The following KATNB1 variants were observed in gnomAD, a reference collection of about 807,000 sequenced individuals.
KATNB1 encodes katanin p80 WD40 repeat-containing subunit B1.
KATNB1 carries 38 observed loss-of-function variants against 82.3 expected under a neutral mutation model. The observed-to-expected ratio is 0.46, with a 90% CI of 0.36 to 0.61. The LOEUF (loss-of-function observed/expected upper bound fraction) is 0.61. Ranked by LOEUF, KATNB1 falls within the 20% of genes least tolerant of loss-of-function variation. KATNB1 has a pLI of 0.00. For synonymous variants in KATNB1, 361 were observed against 368.7 expected (o/e 0.98, Z 0.24); for missense variants, 749 against 915.7 (o/e 0.82, Z 2.35).
intron 4 of KATNB1, among the ~76,000 whole-genome samples, chr16:57,746,928 C>T (rs1555581585): frequency 6.6e-6 from 1 of 152,200 alleles, no homozygotes; most frequent in African/African-American, 2.4e-5. Context: ...GTCACCCAGG[C>T]TGGAGTGCAG....
intron 1 of KATNB1, 50 bp from the exon 2 acceptor site, chr16:57,736,928 C>G: frequency 1.6e-6 from 1 of 618,820 alleles, no homozygotes; most frequent in Non-Finnish European, 3.0e-6. Flanking sequence ...GGAGCAACAG[C>G]TCTTACCAAG....
Position 57,751,886 on chromosome 16 carries a change from G to C in KATNB1, c.517-54G>C. 1 of 1,470,684 alleles carries C rather than the reference G, an allele frequency of 6.8e-7. No homozygotes were observed. Among genetic ancestry groups the C allele is most frequent in the South Asian group, 1.1e-5 (1 of 87,070 alleles). 91.1% of individuals were successfully genotyped at this position (1,470,684 alleles called of 1,614,324 possible). A position where few individuals can be genotyped will look rare whatever the true frequency, so the allele number is the denominator to read the frequency against. On this transcript the variant is annotated intron_variant, in intron 7 of 19. Transcript: ENST00000379661. This position sits in a 1 kb window ranked among gnomAD's most constrained non-coding sequence, Gnocchi z 6.3. ...AGAGCTTGGCCTGGATTAGAGGGAG[G>C]GTGGGCAGCCAAGATGCCTGGTCAC...
Position 57,751,989 on chromosome 16 carries a change from C to G in KATNB1, c.566C>G (p.Thr189Arg), listed in dbSNP as rs61729343. ...GKMMSEFPGH[T>R]GPVNVVEFHP... ...ATGATGTCTGAGTTCCCTGGTCACA[C>G]GGGGCCTGTCAACGTGGTCGAGTTT... The change falls in exon 8 of 20, where the codon ACG (threonine) becomes AGG (arginine). Residue 189 changes from threonine (T) to arginine (R), a missense_variant. Coordinates refer to ENST00000379661, the MANE Select transcript of KATNB1 (RefSeq NM_005886.3). This position sits in a 1 kb window ranked among gnomAD's most constrained non-coding sequence, Gnocchi z 6.3. 1 of 1,613,788 alleles carries G rather than the reference C, an allele frequency of 6.2e-7. No individual in the cohort carries two copies. The highest frequency in any genetic ancestry group is 8.5e-7 in the Non-Finnish European group (1 of 1,179,998).
rs782780189 is a variant in KATNB1, at chr16:57,750,868, C to T, written c.331C>T (p.Leu111=). 6.2e-7 allele frequency: 1 copy of T among 1,614,194 alleles called. No homozygotes were observed. Among genetic ancestry groups the T allele is most frequent in the Non-Finnish European group, 8.5e-7 (1 of 1,180,046 alleles). The change falls in exon 5 of 20, where the codon CTG becomes TTG. Residue 111 remains leucine, a synonymous_variant. Transcript: ENST00000379661. ...GGGACACAAAGCCAACATCTGCAGCCTGGATTTCCACCCGTACGGCGAGTT... is the reference window on the plus strand; with the variant it reads ...GGGACACAAAGCCAACATCTGCAGCTTGGATTTCCACCCGTACGGCGAGTT... ...LMGHKANICS[L]DFHPYGEFVA... is the part of the protein sequence containing the mutation.
At chr16:57,750,092 C>T (rs1159149434) in intron 4 of KATNB1, among the ~76,000 whole-genome samples, 5 of 152,226 alleles carry the variant, frequency 3.3e-5, no homozygotes, top group Non-Finnish European at 7.3e-5. Context: ...TCCTGGATTT[C>T]TCTTTCCAAC....
rs781991973 is a variant in KATNB1 at position 57,751,750 on chromosome 16, AGGGGCTG to A, written c.516+37_516+43del. On this transcript the variant is annotated intron_variant, in intron 7 of 19. Transcript: ENST00000379661. This position sits in a 1 kb window ranked among gnomAD's most constrained non-coding sequence, Gnocchi z 6.3. The stretch of plus-strand genomic sequence containing the variant: ...GTAGCTCCCGGCCTGACCTGGGCCC[AGGGGCTG>A]GGGGCTGGGGTCTGCTGATCACAGC... 4 of 1,603,644 alleles carry A rather than the reference AGGGGCTG, an allele frequency of 2.5e-6. No individual in the cohort carries two copies. The East Asian group carries it at 6.7e-5, about 27-fold the overall frequency.
chr16:57,748,352 A>G (rs1279646712), intron 4 of KATNB1, among the ~76,000 whole-genome samples: 1 of 152,066 alleles, frequency 6.6e-6, no homozygotes, highest in Non-Finnish European at 1.5e-5. Flanking sequence ...CTCTGCGGGC[A>G]TGGTGGCTCA....
Position 57,752,585 on chromosome 16 carries a change from G to T in KATNB1, c.688G>T (p.Glu230Ter). 1 of 1,568,698 alleles carries T rather than the reference G, an allele frequency of 6.4e-7. No individual in the cohort carries two copies. The highest frequency in any genetic ancestry group is 2.3e-5 in the East Asian group (1 of 43,148). ...KFQVVSCIEG[E>*]PGPVRSVLFN... ...CCAGGTGGTGAGCTGCATCGAAGGG[G>T]AGCCTGGGCCCGTCAGGTACGCAGG... The change falls in exon 9 of 20, where the codon GAG (glutamate) becomes TAG (stop). Residue 230 changes from glutamate (E) to a stop codon, truncating the protein, a stop_gained. Coordinates refer to ENST00000379661, the MANE Select transcript of KATNB1 (RefSeq NM_005886.3). LOFTEE classifies it high-confidence loss of function.
rs782309939 is a variant in KATNB1 at position 57,752,877 on chromosome 16, C to T, written c.804C>T (p.Val268=). ...AACCTGAGCGGTGCTTTGATGTGGT[C>T]CTCGTCAACTGGGGCAAGGTGGCCG... ...GWEPERCFDV[V]LVNWGKVADL... is the part of the protein sequence containing the mutation. Residue 268 remains valine, a synonymous_variant, in exon 10 of 20, where the codon GTC becomes GTT. Transcript: ENST00000379661. 1 of 1,608,104 alleles carries T rather than the reference C, an allele frequency of 6.2e-7. No homozygotes were observed. The highest frequency in any genetic ancestry group is 8.5e-7 in the Non-Finnish European group (1 of 1,179,834).
intron 4 of KATNB1, among the ~76,000 whole-genome samples, chr16:57,748,230 A>G (rs1473141263): frequency 6.6e-6 from 1 of 152,158 alleles, no homozygotes; most frequent in Admixed American, 6.5e-5. Flanking sequence ...TCAGCACAGC[A>G]GGTAGAGCTA....
At chr16:57,749,550 A>G (rs545472511) in intron 4 of KATNB1, among the ~76,000 whole-genome samples, 1 of 152,274 alleles carries the variant, frequency 6.6e-6, no homozygotes, top group South Asian at 2.1e-4. Context: ...AAGGTGACCT[A>G]TTGCACCTTG....
At chr16:57,740,962 G>T (rs1285801904) in intron 2 of KATNB1, among the ~76,000 whole-genome samples, 1 of 152,246 alleles carries the variant, frequency 6.6e-6, no homozygotes, top group Non-Finnish European at 1.5e-5. Flanking sequence ...CGCTCTGAGG[G>T]AGTCCTCAGC....
chr16:57,756,238 G>A, intron 18 of KATNB1, 118 bp from the exon 19 acceptor site: 3 of 1,103,056 alleles, frequency 2.7e-6, no homozygotes, highest in Non-Finnish European at 4.1e-6. Flanking sequence ...GCGTGTGTGG[G>A]TGTATGTGTG....
At position 57,756,971 on chromosome 16, in the gene KATNB1, G is replaced by A. The variant is rs985042415; in HGVS notation, c.*25G>A. On this transcript the variant is annotated 3_prime_UTR_variant, in exon 20 of 20. Coordinates refer to ENST00000379661, the MANE Select transcript of KATNB1 (RefSeq NM_005886.3). ...AGGAAAGCAGTGGGCAGGGGCGCTC[G>A]GCAGCCCACAGGGCCTGGCCTCAGC... 23 of 1,491,130 alleles carry A rather than the reference G, an allele frequency of 1.5e-5. No homozygotes were observed. Among genetic ancestry groups the A allele is most frequent in the Non-Finnish European group, 1.9e-5 (21 of 1,114,768 alleles). 92.4% of individuals were successfully genotyped at this position (1,491,130 alleles called of 1,614,324 possible). A position where few individuals can be genotyped will look rare whatever the true frequency, so the allele number is the denominator to read the frequency against.
intron 2 of KATNB1, among the ~76,000 whole-genome samples, chr16:57,739,783 G>A (rs1013589297): frequency 6.6e-6 from 1 of 152,086 alleles, no homozygotes; most frequent in African/African-American, 2.4e-5. Context: ...TCAGTGTCCC[G>A]CCCCCACCAC....
Position 57,755,170 on chromosome 16 carries a change from G to C in KATNB1, c.1348G>C (p.Ala450Pro), listed in dbSNP as rs782133815. The change falls in exon 15 of 20, where the codon GCT (alanine) becomes CCT (proline). Residue 450 changes from alanine (A) to proline (P), a missense_variant. Coordinates refer to ENST00000379661, the MANE Select transcript of KATNB1 (RefSeq NM_005886.3). ...GGTTGCTTCCACACCTGCACCCAAG[G>C]CTGAGCCTGCCATCATCCCTGCCAC... ...PVVASTPAPK[A>P]EPAIIPATRN... 2 of 1,612,270 alleles carry C rather than the reference G, an allele frequency of 1.2e-6. No individual in the cohort carries two copies. Among genetic ancestry groups the C allele is most frequent in the African/African-American group, 2.7e-5 (2 of 74,944 alleles).
In KATNB1 at chr16:57,741,821, A is replaced by G; in HGVS notation, c.171+4A>G. The G allele has an allele frequency of 6.2e-7, 1 of 1,612,456 alleles. No individual in the cohort carries two copies. Among genetic ancestry groups the G allele is most frequent in the Non-Finnish European group, 8.5e-7 (1 of 1,179,488 alleles). ...CAACAAGCCCAACTGCATCATGGTG[A>G]GCCCCGACAGCTGGCGGGGGGTCAG... On this transcript the variant is annotated splice_donor_region_variant and intron_variant, in intron 3 of 19. Transcript: ENST00000379661.
intron 8 of KATNB1, 131 bp downstream of exon 8, chr16:57,752,186 T>C (rs1380777743): frequency 2.1e-5 from 15 of 706,194 alleles, no homozygotes; most frequent in Non-Finnish European, 2.8e-5. Flanking sequence ...GTGGACTGAA[T>C]TGGATTTCAG....
At position 57,751,837 on chromosome 16, in the gene KATNB1, G is replaced by A. The variant is rs985155444; in HGVS notation, c.517-103G>A. The stretch of plus-strand genomic sequence containing the variant: ...GGCTCACATGTCCCAAGCCTATCCC[G>A]AGTGGAAGGTAGCTTGTGGATAAAG... On this transcript the variant is annotated intron_variant, in intron 7 of 19. Coordinates refer to ENST00000379661, the MANE Select transcript of KATNB1 (RefSeq NM_005886.3). This position sits in a 1 kb window ranked among gnomAD's most constrained non-coding sequence, Gnocchi z 6.3. The A allele has an allele frequency of 6.5e-6, 9 of 1,393,174 alleles. No homozygotes were observed. The highest frequency in any genetic ancestry group is 1.8e-4 in the Middle Eastern group (1 of 5,696). The allele number at this position is 1,393,174 out of a possible 1,614,324, so 86.3% of individuals were successfully genotyped here.
Sources: allele counts gnomAD v4.1 joint callset (sites outside exome capture counted in the v4.1 genomes callset), GRCh38; gene constraint gnomAD v4.1.1; non-coding constraint Gnocchi (gnomAD v3.1); transcripts MANE v1.5; gene names NCBI Gene and HGNC (gene_info 2026-07-23, HGNC 2026-07-21).